Variants in BORA observed in about 807,000 individuals in gnomAD.
BORA encodes the protein BORA aurora kinase A activator.
Under a neutral mutation model 55.8 loss-of-function variants are expected in BORA, and 26 were observed. That is an observed-to-expected ratio of 0.47 (90% confidence interval 0.34 to 0.65). The LOEUF (loss-of-function observed/expected upper bound fraction) is 0.65, where lower values mean the gene tolerates loss of function less well. BORA is among the 30% of genes least tolerant of loss of function. BORA has a pLI of 0.01. For synonymous variants in BORA, 201 were observed against 216.9 expected, an observed-to-expected ratio of 0.93 and a Z score of 0.64; for missense variants, 568 against 671.5, an observed-to-expected ratio of 0.85 and a Z score of 1.70.
chr13:72,755,277 AG>A lies in BORA; in HGVS notation c.*63del, dbSNP rs1394659936. ...GTTCCTCGCATATATCGTTGTGCACAGGATCAACATGATGGTGACTGGGAAA... is the reference window on the plus strand; with the variant it reads ...GTTCCTCGCATATATCGTTGTGCACAGATCAACATGATGGTGACTGGGAAA... On this transcript the variant is annotated 3_prime_UTR_variant, in exon 12 of 12. Transcript: ENST00000390667. 1 of 1,392,142 alleles carries A rather than the reference AG, an allele frequency of 7.2e-7. No homozygotes were observed. The allele number at this position is 1,392,142 out of a possible 1,614,324, so 86.2% of individuals were successfully genotyped here.
chr13:72,742,367 T>C (rs1197356945), intron 5 of BORA, among the ~76,000 whole-genome samples: 1 of 148,904 alleles, frequency 6.7e-6, no homozygotes, highest in Non-Finnish European at 1.5e-5. Flanking sequence ...GATTTTTCAA[T>C]TTATAAAACT....
In BORA at chr13:72,746,999, T is replaced by C. The variant is rs774310650; in HGVS notation, c.1370T>C (p.Leu457Ser). 1 of 1,614,144 alleles carries C rather than the reference T, an allele frequency of 6.2e-7. No homozygotes were observed. The highest frequency in any genetic ancestry group is 8.5e-7 in the Non-Finnish European group (1 of 1,180,008). Residue 457 changes from leucine to serine, a missense_variant, in exon 10 of 12, where the codon TTA becomes TCA. By Grantham distance (145) the Leu-to-Ser change is moderately radical. Coordinates refer to ENST00000390667, the MANE Select transcript of BORA (RefSeq NM_024808.5). ...WIKEPVDNGS[L>S]PMTDFVSGIA... ...AAGGAGCCGGTTGATAATGGCAGTT[T>C]ACCCATGACTGATTTTGTAAGTGGC... is the stretch of plus-strand genomic sequence containing the variant.
rs964659700 is a variant in BORA, at chr13:72,756,073, T to C, written c.*857T>C. ...TATTTTTTTAAAAAACTTATATCCA[T>C]GTTGGGAGTAGATGGGTATATAACA... On this transcript the variant is annotated 3_prime_UTR_variant, in exon 12 of 12. Transcript: ENST00000390667. The C allele has an allele frequency of 7.6e-6, 3 of 396,142 alleles. No homozygotes were observed. Among genetic ancestry groups the C allele is most frequent in the African/African-American group, 2.1e-5 (1 of 48,334 alleles). The allele number at this position is 396,142 out of a possible 1,614,324, so 24.5% of individuals were successfully genotyped here.
In BORA at chr13:72,747,038, T is replaced by G. The variant is rs752182388; in HGVS notation, c.1409T>G (p.Ile470Ser). 18 of 1,613,984 alleles carry G rather than the reference T, an allele frequency of 1.1e-5. No homozygotes were observed. The highest frequency in any genetic ancestry group is 1.5e-5 in the Non-Finnish European group (18 of 1,179,982). The change falls in exon 10 of 12, where the codon ATT (isoleucine) becomes AGT (serine). Residue 470 changes from isoleucine to serine, a missense_variant. Physicochemically the swap from Ile to Ser is moderately radical, Grantham distance 142. Transcript: ENST00000390667. ...TDFVSGIAFS[I>S]ENSHMCMSPL... ...TTTGTAAGTGGCATTGCCTTCAGTA[T>G]TGAAAACTCTCATATGTGCATGTCA...
In BORA at chr13:72,755,494, C is replaced by A; in HGVS notation, c.*278C>A. On this transcript the variant is annotated 3_prime_UTR_variant, in exon 12 of 12. Coordinates refer to ENST00000390667, the MANE Select transcript of BORA (RefSeq NM_024808.5). ...CAACAAATTGTGACAGAGCTGAGTG[C>A]TCCTATCTTACAGGGTCAATGAACT... is the stretch of plus-strand genomic sequence containing the variant. 1 of 429,728 alleles carries A rather than the reference C, an allele frequency of 2.3e-6. No homozygotes were observed. Among genetic ancestry groups the A allele is most frequent in the Non-Finnish European group, 4.1e-6 (1 of 243,132 alleles). 26.6% of individuals were successfully genotyped at this position (429,728 alleles called of 1,614,324 possible).
At chr13:72,728,655 T>G (rs2032740285) in intron 1 of BORA, among the ~76,000 whole-genome samples, 1 of 152,224 alleles carries the variant, frequency 6.6e-6, no homozygotes, top group Non-Finnish European at 1.5e-5. Flanking sequence ...CATATTTGAT[T>G]GCTGCGTATA....
intron 8 of BORA, 143 bp from the exon 9 acceptor site, chr13:72,745,801 T>C (rs2033127989): frequency 1.2e-5 from 7 of 572,142 alleles, no homozygotes; most frequent in Non-Finnish European, 1.7e-5. Flanking sequence ...CTTAGTTGTC[T>C]TTGTTGCAAG....
intron 11 of BORA, chr13:72,754,365 G>A (rs2033384850): frequency 6.6e-6 from 1 of 151,104 alleles, no homozygotes; most frequent in Non-Finnish European, 1.5e-5. Flanking sequence ...GGGCTGGAGT[G>A]CAGTCGTAGA....
At chr13:72,739,973 T>G (rs1180531914) in intron 5 of BORA, among the ~76,000 whole-genome samples, 2 of 151,882 alleles carry the variant, frequency 1.3e-5, no homozygotes, top group African/African-American at 4.8e-5. Flanking sequence ...GACTGAGAGA[T>G]AGTCACTGTG....
rs573258415 is a variant in BORA, at chr13:72,750,835, C to T, written c.1483-2855C>T. The stretch of plus-strand genomic sequence containing the variant: ...TGTTTTATAAATGAGGGAACTGAGG[C>T]ATGCAAGAGGGGGTAGAATCTAGAA... On this transcript the variant is annotated intron_variant, in intron 10 of 11. Transcript: ENST00000390667. Among the ~76,000 whole-genome samples, 144 of 152,202 alleles carry T rather than the reference C, an allele frequency of 9.5e-4. 1 individual carries two copies. The highest frequency in any genetic ancestry group is 3.4e-3 in the African/African-American group (143 of 41,522).
In BORA at chr13:72,744,530, T is replaced by A; in HGVS notation, c.480T>A (p.Leu160=). Residue 160 remains leucine, a synonymous_variant, in exon 7 of 12, where the codon CTT becomes CTA. Coordinates refer to ENST00000390667, the MANE Select transcript of BORA (RefSeq NM_024808.5). ...SDAACQTLLS[L]PVDFNLENIL... ...CTGCTTGTCAGACATTGCTGTCTCTTCCTGTGGATTTTAATTTAGAAAATA... is the reference window on the plus strand; with the variant it reads ...CTGCTTGTCAGACATTGCTGTCTCTACCTGTGGATTTTAATTTAGAAAATA... 1 of 1,611,140 alleles carries A rather than the reference T, an allele frequency of 6.2e-7. No homozygotes were observed. Among genetic ancestry groups the A allele is most frequent in the Non-Finnish European group, 8.5e-7 (1 of 1,178,246 alleles).
At chr13:72,736,573 C>A (rs550684236) in intron 4 of BORA, among the ~76,000 whole-genome samples, 1 of 152,126 alleles carries the variant, frequency 6.6e-6, no homozygotes, top group Admixed American at 6.5e-5. Context: ...ATTCTCTTAG[C>A]AACAGCATAG....
rs138292235 is a variant in BORA at position 72,746,951 on chromosome 13, T to C, written c.1322T>C (p.Ile441Thr). 34 of 1,614,142 alleles carry C rather than the reference T, an allele frequency of 2.1e-5. No homozygotes were observed. In the African/African-American group the frequency reaches 3.9e-4, roughly 18 times the overall value. The change falls in exon 10 of 12, where the codon ATA (isoleucine) becomes ACA (threonine). Residue 441 changes from isoleucine (I) to threonine (T), a missense_variant. Coordinates refer to ENST00000390667, the MANE Select transcript of BORA (RefSeq NM_024808.5). ...GTGGATATGGTTGATCCTATAGAGA[T>C]AGCAGATGAGACCACTTGGATTAAG... ...NTVDMVDPIE[I>T]ADETTWIKEP...
intron 1 of BORA, 179 bp downstream of exon 1, chr13:72,728,186 T>A: frequency 1.2e-6 from 1 of 840,484 alleles, no homozygotes; most frequent in Non-Finnish European, 2.0e-6. Context: ...GACGCCTCCT[T>A]CGCACTCCAT....
intron 4 of BORA, among the ~76,000 whole-genome samples, chr13:72,737,478 TATTTA>T (rs936168039): frequency 2.0e-3 from 298 of 152,326 alleles, no homozygotes; most frequent in African/African-American, 7.0e-3. Context: ...ATTTTTAATA[TATTTA>T]ATTGTAAGTT....
At chr13:72,728,421 G>A (rs912788224) in intron 1 of BORA, among the ~76,000 whole-genome samples, 4 of 152,196 alleles carry the variant, frequency 2.6e-5, no homozygotes, top group African/African-American at 9.7e-5. Context: ...CTCTGGCTAG[G>A]ACTCATGTGC....
In BORA at chr13:72,730,907, A is replaced by AAAAC. The variant is rs1566218609; in HGVS notation, c.154-371_154-370insCAAA. ...CTCTACTAAAAAAAAAAAAAAAAAA[A>AAAAC]AAATACAAAAATTAGCTGGGTGTGG... On this transcript the variant is annotated intron_variant, in intron 2 of 11. Coordinates refer to ENST00000390667, the MANE Select transcript of BORA (RefSeq NM_024808.5). Among the ~76,000 whole-genome samples, 2 of 55,072 alleles carry AAAAC rather than the reference A, an allele frequency of 3.6e-5. 1 individual carries two copies. The highest frequency in any genetic ancestry group is 9.8e-5 in the Non-Finnish European group (2 of 20,512). 36.1% of individuals were successfully genotyped at this position (55,072 alleles called of 152,430 possible).
At position 72,755,241 on chromosome 13, in the gene BORA, T is replaced by C. The variant is rs1566232522; in HGVS notation, c.*25T>C. 1 of 1,583,772 alleles carries C rather than the reference T, an allele frequency of 6.3e-7. No individual in the cohort carries two copies. Among genetic ancestry groups the C allele is most frequent in the Admixed American group, 1.7e-5 (1 of 59,940 alleles). On this transcript the variant is annotated 3_prime_UTR_variant, in exon 12 of 12. Coordinates refer to ENST00000390667, the MANE Select transcript of BORA (RefSeq NM_024808.5). ...GAATGCCTCTGTCAGAATCAAAGAC[T>C]AAGCTTAAGAGTTCCTCGCATATAT...
chr13:72,735,181 G>A (rs1322191058), intron 4 of BORA, among the ~76,000 whole-genome samples, 176 bp downstream of exon 4: 2 of 152,138 alleles, frequency 1.3e-5, no homozygotes, highest in African/African-American at 2.4e-5. Context: ...ATAATTTCCA[G>A]CTATCCCAGT....
Sources: gnomAD v4.1 joint callset for allele counts (sites outside exome capture counted in the v4.1 genomes callset) on GRCh38, gnomAD v4.1.1 for gene constraint, MANE v1.5 for transcripts, NCBI Gene and HGNC (gene_info 2026-07-23, HGNC 2026-07-21) for gene names.